The following FUT8 variants were observed in gnomAD, a reference collection of about 807,000 sequenced individuals.
The protein encoded by FUT8 is fucosyltransferase 8, also known as alpha-(1,6)-fucosyltransferase.
Under a neutral mutation model 71.3 loss-of-function variants are expected in FUT8, and 29 were observed. That is an observed-to-expected ratio of 0.41 (90% CI 0.30 to 0.55). FUT8 has a LOEUF of 0.55. Ranked by LOEUF, FUT8 falls within the 20% of genes least tolerant of loss-of-function variation. The pLI is 0.34. For missense variants in FUT8, 544 were observed against 702.1 expected, an observed-to-expected ratio of 0.77 and a Z score of 2.55; for synonymous variants, 254 against 239.3, an observed-to-expected ratio of 1.06 and a Z score of -0.57.
At chr14:65,657,759 A>C (rs1891756164) in intron 6 of FUT8, among the ~76,000 whole-genome samples, 1 of 152,094 alleles carries the variant, frequency 6.6e-6, no homozygotes, top group Non-Finnish European at 1.5e-5. Flanking sequence ...GAAAGAAAGA[A>C]TATCTCACAG....
At chr14:65,735,411 G>C (rs1896174156) in intron 10 of FUT8, among the ~76,000 whole-genome samples, 1 of 152,112 alleles carries the variant, frequency 6.6e-6, no homozygotes, top group Admixed American at 6.6e-5. Context: ...CTTGGGTCCA[G>C]AGAAGCAATT....
Position 65,467,788 on chromosome 14 carries a change from TTA to T in FUT8, c.-228+12072_-228+12073del. 2 of 707,602 alleles carry T rather than the reference TTA, an allele frequency of 2.8e-6. No homozygotes were observed. Among genetic ancestry groups the T allele is most frequent in the Non-Finnish European group, 5.3e-6 (2 of 376,436 alleles). The allele number at this position is 707,602 out of a possible 1,614,324, so 43.8% of individuals were successfully genotyped here. On this transcript the variant is annotated intron_variant, in intron 2 of 10. Coordinates refer to ENST00000673929, the MANE Select transcript of FUT8 (RefSeq NM_001371533.1). This position sits in a 1 kb window ranked among gnomAD's most constrained non-coding sequence, Gnocchi z 4.1. ...CGTGCCCAGCCAGTCTAGAGGTCTT[TTA>T]TTTTTTTTAACACCTGTTATGCTAT...
At chr14:65,680,986 C>T (rs1317007490) in intron 7 of FUT8, among the ~76,000 whole-genome samples, 2 of 152,206 alleles carry the variant, frequency 1.3e-5, no homozygotes, top group African/African-American at 2.4e-5. Flanking sequence ...ATACTGGGAA[C>T]ATGTAATTCT....
chr14:65,456,773 C>T (rs917454832), intron 2 of FUT8, among the ~76,000 whole-genome samples: 73 of 150,172 alleles, frequency 4.9e-4, no homozygotes, highest in African/African-American at 1.7e-3. Flanking sequence ...TTTGGGAGGC[C>T]GAGGTAGGAG....
chr14:65,598,403 A>G (rs993882387), intron 3 of FUT8, among the ~76,000 whole-genome samples: 1 of 151,990 alleles, frequency 6.6e-6, no homozygotes, highest in Admixed American at 6.6e-5. Context: ...TTGTGTTTTT[A>G]ATAGAGACGG....
Position 65,623,170 on chromosome 14 carries a change from C to T in FUT8, c.483-6322C>T, listed in dbSNP as rs1411511544. ...CTTCCCAAAATGCTGGGATTATAGG[C>T]GTGAGCCACCACGCCCGACCAAACT... On this transcript the variant is annotated intron_variant, in intron 5 of 10. Coordinates refer to ENST00000673929, the MANE Select transcript of FUT8 (RefSeq NM_001371533.1). 4.6e-5 allele frequency among the ~76,000 whole-genome samples: 7 copies of T among 152,108 alleles called. No homozygotes were observed. The South Asian group carries it at 1.4e-3, about 31-fold the overall frequency.
chr14:65,513,491 AG>A (rs145632801), intron 2 of FUT8, among the ~76,000 whole-genome samples: 11,763 of 152,262 alleles, frequency 0.077, 641 homozygotes, highest in Non-Finnish European at 0.11. Flanking sequence ...CGTGTAAAAT[AG>A]GGCCTTAAAA....
At chr14:65,532,767 G>A (rs1884042777) in intron 2 of FUT8, among the ~76,000 whole-genome samples, 1 of 152,102 alleles carries the variant, frequency 6.6e-6, no homozygotes, top group Non-Finnish European at 1.5e-5. Context: ...CTTTTTCATA[G>A]TTTTGGGTTT....
At chr14:65,408,484 T>C (rs1026053903), upstream of FUT8, among the ~76,000 whole-genome samples, 1 of 152,216 alleles carries the variant, frequency 6.6e-6, no homozygotes, top group African/African-American at 2.4e-5. Context: ...TCTCCTACCA[T>C]ATTAGGGAAC....
intron 2 of FUT8, among the ~76,000 whole-genome samples, chr14:65,480,675 A>G (rs941602085): frequency 1.3e-5 from 2 of 151,490 alleles, no homozygotes; most frequent in African/African-American, 4.8e-5. Context: ...AAGTGGAATC[A>G]CTGGTATCAT....
chr14:65,534,029 A>G (rs1412597078), intron 2 of FUT8, among the ~76,000 whole-genome samples: 4 of 152,200 alleles, frequency 2.6e-5, no homozygotes, highest in Admixed American at 2.0e-4. Context: ...TTGTTTCGCT[A>G]GTATTTTGTT....
intron 5 of FUT8, among the ~76,000 whole-genome samples, chr14:65,622,273 C>T (rs891537800): frequency 6.0e-5 from 9 of 149,516 alleles, no homozygotes; most frequent in African/African-American, 2.0e-4. Flanking sequence ...CTTCTACGTA[C>T]GGGGATATAA....
chr14:65,582,157 C>T (rs1477320827), intron 3 of FUT8, among the ~76,000 whole-genome samples: 1 of 152,068 alleles, frequency 6.6e-6, no homozygotes, highest in Non-Finnish European at 1.5e-5. Context: ...GCATTTTCTT[C>T]TTCCATCCAA....
At chr14:65,382,633 CTCGGCCAGTTACA>C in the FUT8 span, among the ~76,000 whole-genome samples, 1 of 152,206 alleles carries the variant, frequency 6.6e-6, no homozygotes, top group East Asian at 1.9e-4. Flanking sequence ...AGTCACCGTG[CTCGGCCAGTTACA>C]TCTGATTTCT....
intron 2 of FUT8, among the ~76,000 whole-genome samples, chr14:65,463,179 A>C (rs2065992757): frequency 6.6e-6 from 1 of 152,266 alleles, no homozygotes; most frequent in African/African-American, 2.4e-5. Context: ...AATAGACATA[A>C]TTACAATAAT....
intron 6 of FUT8, among the ~76,000 whole-genome samples, chr14:65,639,226 G>A (rs1890715085): frequency 6.6e-6 from 1 of 152,124 alleles, no homozygotes; most frequent in Non-Finnish European, 1.5e-5. Flanking sequence ...ACATAGGCTG[G>A]TGATAGGAAG....
At chr14:65,547,581 T>G (rs895746186) in intron 2 of FUT8, among the ~76,000 whole-genome samples, 1 of 151,852 alleles carries the variant, frequency 6.6e-6, no homozygotes, top group Non-Finnish European at 1.5e-5. Flanking sequence ...TCATTTACAT[T>G]CAAGTTTCTA....
In FUT8 at chr14:65,742,137, T is replaced by C; in HGVS notation, c.1455T>C (p.Asp485=). 1 of 1,613,086 alleles carries C rather than the reference T, an allele frequency of 6.2e-7. No individual in the cohort carries two copies. The highest frequency in any genetic ancestry group is 1.1e-5 in the South Asian group (1 of 91,062). The stretch of plus-strand genomic sequence containing the variant: ...AAATTATGCAAACACTACATCCTGA[T>C]GCCTCTGCAAACTTCCATTCTTTAG... ...AYEIMQTLHP[D]ASANFHSLDD... The change falls in exon 11 of 11, where the codon GAT becomes GAC. Residue 485 remains aspartate, a synonymous_variant. Transcript: ENST00000673929.
intron 7 of FUT8, among the ~76,000 whole-genome samples, chr14:65,692,324 A>C (rs1311920599): frequency 7.0e-6 from 1 of 142,996 alleles, no homozygotes; most frequent in Non-Finnish European, 1.5e-5. Flanking sequence ...GGCGCCCCTC[A>C]CCTCCCAGAC....
Sources: allele counts gnomAD v4.1 joint callset (sites outside exome capture counted in the v4.1 genomes callset), GRCh38; gene constraint gnomAD v4.1.1; non-coding constraint Gnocchi (gnomAD v3.1); transcripts MANE v1.5; gene names NCBI Gene and HGNC (gene_info 2026-07-23, HGNC 2026-07-21).